KCNIP4: variants seen among roughly 807,000 people sequenced by gnomAD.
KCNIP4 encodes the protein potassium voltage-gated channel interacting protein 4.
KCNIP4 carries 12 observed loss-of-function variants against 34.0 expected under a neutral mutation model. The ratio of observed to expected loss-of-function variants is 0.35; its 90% CI spans 0.23 to 0.57. The LOEUF (loss-of-function observed/expected upper bound fraction) is 0.57, where lower values mean the gene tolerates loss of function less well. Ranked by LOEUF, KCNIP4 falls within the 20% of genes least tolerant of loss-of-function variation. The pLI, the probability that KCNIP4 is intolerant of heterozygous loss-of-function variation, is 0.83. For missense variants in KCNIP4, 238 were observed against 311.7 expected, an observed-to-expected ratio of 0.76 and a Z score of 1.78; for synonymous variants, 124 against 102.2, an observed-to-expected ratio of 1.21 and a Z score of -1.29.
At chr4:21,737,876 A>T (rs1490493660) in intron 1 of KCNIP4, among the ~76,000 whole-genome samples, 2 of 152,044 alleles carry the variant, frequency 1.3e-5, no homozygotes, top group Non-Finnish European at 2.9e-5. Flanking sequence ...TAAGGTCAGG[A>T]GATCGAGACC....
At chr4:20,742,968 C>T (rs1345334023) in intron 5 of KCNIP4, among the ~76,000 whole-genome samples, 2 of 151,468 alleles carry the variant, frequency 1.3e-5, no homozygotes, top group Non-Finnish European at 2.9e-5. Context: ...TTCACAATTG[C>T]TTCAAAGATA....
Position 20,829,070 on chromosome 4 carries a change from C to A in KCNIP4, c.288+21473G>T, listed in dbSNP as rs1448111759. Among the ~76,000 whole-genome samples, 4 of 152,264 alleles carry A rather than the reference C, an allele frequency of 2.6e-5. No individual in the cohort carries two copies. In the South Asian group the frequency reaches 8.3e-4, roughly 32 times the overall value. On this transcript the variant is annotated intron_variant, in intron 3 of 8. Transcript: ENST00000382152. ...AAATTAGAGAAGATACGCTATAAAC[C>A]GGCAGAGGTCCATCTTTAAACCATT...
chr4:21,079,498 C>A (rs764853324), intron 1 of KCNIP4, among the ~76,000 whole-genome samples: 3 of 150,004 alleles, frequency 2.0e-5, no homozygotes, highest in Admixed American at 6.6e-5. Context: ...TGCCCCACTT[C>A]TCATTTTGCC....
intron 1 of KCNIP4, among the ~76,000 whole-genome samples, chr4:21,050,993 C>T (rs552808508): frequency 2.0e-4 from 31 of 152,288 alleles, no homozygotes; most frequent in African/African-American, 7.2e-4. Context: ...GCTAGAAAAA[C>T]TTTTCTCTTC....
intron 3 of KCNIP4, among the ~76,000 whole-genome samples, chr4:20,831,408 A>G (rs1718411242): frequency 6.6e-6 from 1 of 152,130 alleles, no homozygotes; most frequent in Admixed American, 6.5e-5. Context: ...AGTCTCTGGC[A>G]CTAGTGATGC....
At chr4:21,597,951 G>GA (rs941328189) in intron 1 of KCNIP4, among the ~76,000 whole-genome samples, 6 of 152,088 alleles carry the variant, frequency 3.9e-5, no homozygotes, top group Admixed American at 1.3e-4. Flanking sequence ...GAAGAGAAAA[G>GA]AAAAAATGCA....
intron 1 of KCNIP4, among the ~76,000 whole-genome samples, chr4:21,314,156 T>C (rs1287747170): frequency 6.6e-6 from 1 of 152,180 alleles, no homozygotes; most frequent in African/African-American, 2.4e-5. Flanking sequence ...GGTGCCGTGT[T>C]CTGTCTGCAA....
chr4:21,053,441 C>A (rs1035825152), intron 1 of KCNIP4, among the ~76,000 whole-genome samples: 1 of 152,134 alleles, frequency 6.6e-6, no homozygotes, highest in Admixed American at 6.6e-5. Context: ...TAGACACTTT[C>A]CAATTAAGGT....
intron 1 of KCNIP4, among the ~76,000 whole-genome samples, chr4:21,819,053 T>C (rs953986938): frequency 2.0e-5 from 3 of 152,184 alleles, no homozygotes; most frequent in African/African-American, 7.2e-5. Context: ...TCATGCAAAA[T>C]TCTCACTCAG....
At chr4:20,890,107 T>C (rs1226604743) in intron 1 of KCNIP4, among the ~76,000 whole-genome samples, 1 of 152,148 alleles carries the variant, frequency 6.6e-6, no homozygotes, top group Non-Finnish European at 1.5e-5. Flanking sequence ...ATTCTGTTTG[T>C]TTATGAATTA....
At chr4:21,770,201 T>A (rs1471343980) in intron 1 of KCNIP4, among the ~76,000 whole-genome samples, 1 of 152,132 alleles carries the variant, frequency 6.6e-6, no homozygotes, top group Non-Finnish European at 1.5e-5. Context: ...CATCCACTTA[T>A]GAGTGAGAAC....
At chr4:21,229,632 G>A (rs1222349688) in intron 1 of KCNIP4, among the ~76,000 whole-genome samples, 1 of 152,140 alleles carries the variant, frequency 6.6e-6, no homozygotes, top group African/African-American at 2.4e-5. Context: ...GTTTTGCACT[G>A]CATAATACAG....
intron 8 of KCNIP4, chr4:20,731,314 T>C (rs539149640): frequency 2.4e-6 from 2 of 845,010 alleles, no homozygotes; most frequent in South Asian, 1.1e-4. Flanking sequence ...CCTTAAGTTA[T>C]CTTCCCGCCT....
chr4:21,872,546 A>AT (rs1308090171), intron 1 of KCNIP4, among the ~76,000 whole-genome samples: 4 of 152,190 alleles, frequency 2.6e-5, no homozygotes, highest in Non-Finnish European at 5.9e-5. Flanking sequence ...CAAAAACGAG[A>AT]TTTTTATAAT....
At chr4:21,242,163 CAA>C (rs11436478) in intron 1 of KCNIP4, among the ~76,000 whole-genome samples, 16 of 55,742 alleles carry the variant, frequency 2.9e-4, no homozygotes, top group African/African-American at 6.2e-4. Flanking sequence ...AATTCTGTCT[CAA>C]AAAAAAAAAA....
intron 1 of KCNIP4, among the ~76,000 whole-genome samples, chr4:21,890,554 C>T (rs932066438): frequency 1.3e-5 from 2 of 151,964 alleles, no homozygotes; most frequent in African/African-American, 4.8e-5. Context: ...ATCACAAATT[C>T]CCTTAAAAAT....
intron 3 of KCNIP4, 43 bp downstream of exon 3, chr4:20,850,500 T>A (rs1560513153): frequency 6.2e-7 from 1 of 1,600,498 alleles, no homozygotes; most frequent in Non-Finnish European, 8.5e-7. Context: ...TCAATGCTCC[T>A]CTGGGAATTG....
intron 1 of KCNIP4, among the ~76,000 whole-genome samples, chr4:21,249,225 C>T (rs1451698427): frequency 1.3e-5 from 2 of 151,996 alleles, no homozygotes; most frequent in African/African-American, 4.8e-5. Flanking sequence ...TACAAACATG[C>T]ATGCATACAT....
chr4:21,899,573 T>TA (rs1056940315), intron 1 of KCNIP4, among the ~76,000 whole-genome samples: 49 of 151,926 alleles, frequency 3.2e-4, no homozygotes, highest in Non-Finnish European at 6.3e-4. Context: ...TTAGAACTGA[T>TA]AAAAAAATTC....
Sources: gnomAD v4.1 joint callset for allele counts (sites outside exome capture counted in the v4.1 genomes callset) on GRCh38, gnomAD v4.1.1 for gene constraint, MANE v1.5 for transcripts, NCBI Gene and HGNC (gene_info 2026-07-23, HGNC 2026-07-21) for gene names.